CALCR: variants seen among roughly 807,000 people sequenced by gnomAD.
The protein encoded by CALCR is calcitonin receptor.
In CALCR, 47 loss-of-function variants were observed where a neutral mutation model predicts 59.5. That is an observed-to-expected ratio of 0.79 (90% CI 0.63 to 1.01). The LOEUF (loss-of-function observed/expected upper bound fraction) is 1.01, where lower values mean the gene tolerates loss of function less well. CALCR is among the 50% of genes least tolerant of loss of function. The pLI is 0.00. For missense variants in CALCR, 566 were observed against 597.1 expected (o/e 0.95, Z 0.54); for synonymous variants, 213 against 211.3 (o/e 1.01, Z -0.07).
At position 93,524,878 on chromosome 7, in the gene CALCR, A is replaced by G. The variant is rs536372856; in HGVS notation, c.-26-37871T>C. ...CCCTACTGGTTTCTACTACAAAACTAAAGTTTTTAGGGCAAGTCACATAAC... is the reference window on the plus strand; with the variant it reads ...CCCTACTGGTTTCTACTACAAAACTGAAGTTTTTAGGGCAAGTCACATAAC... On this transcript the variant is annotated intron_variant, in intron 2 of 13. Transcript: ENST00000426151. Among the ~76,000 whole-genome samples the G allele has an allele frequency of 2.0e-5, 3 of 152,316 alleles. No individual in the cohort carries two copies. The East Asian group carries it at 5.8e-4, about 29-fold the overall frequency.
chr7:93,429,250 A>G (rs1420411052), intron 13 of CALCR, among the ~76,000 whole-genome samples: 2 of 152,200 alleles, frequency 1.3e-5, no homozygotes, highest in African/African-American at 4.8e-5. Flanking sequence ...ATCTCCTACA[A>G]TATCACAGGT....
chr7:93,470,740 A>T (rs1473601123), intron 6 of CALCR, among the ~76,000 whole-genome samples: 1 of 148,746 alleles, frequency 6.7e-6, no homozygotes, highest in Non-Finnish European at 1.5e-5. Flanking sequence ...TTATTTTTTT[A>T]TTTTTATTTT....
intron 7 of CALCR, among the ~76,000 whole-genome samples, chr7:93,467,554 A>G (rs1800464938): frequency 6.6e-6 from 1 of 151,726 alleles, no homozygotes; most frequent in African/African-American, 2.4e-5. Flanking sequence ...TTAAGATTCT[A>G]CTATGTTTTA....
chr7:93,527,672 T>G (rs1264150603), intron 2 of CALCR, among the ~76,000 whole-genome samples: 1 of 152,146 alleles, frequency 6.6e-6, no homozygotes, highest in African/African-American at 2.4e-5. Context: ...CACTTCAAAA[T>G]GCTGTCTAGG....
At chr7:93,568,281 A>G (rs555551999) in intron 2 of CALCR, among the ~76,000 whole-genome samples, 198 of 152,330 alleles carry the variant, frequency 1.3e-3, no homozygotes, top group African/African-American at 4.6e-3. Flanking sequence ...CCTTTCAAAA[A>G]GGGAAAATAA....
chr7:93,452,115 C>T (rs1426629374), intron 8 of CALCR, among the ~76,000 whole-genome samples: 3 of 151,964 alleles, frequency 2.0e-5, no homozygotes, highest in African/African-American at 7.2e-5. Flanking sequence ...CAAACCTCAA[C>T]TCCACGCAAG....
chr7:93,515,357 T>C lies in CALCR; in HGVS notation c.-26-28350A>G, dbSNP rs187002352. ...CATCATCAGTTGCTATCTCCCTGAC[T>C]CATTGTGTTTGTGGCAAAGGAGGTA... On this transcript the variant is annotated intron_variant, in intron 2 of 13. Transcript: ENST00000426151. Among the ~76,000 whole-genome samples the C allele has an allele frequency of 6.1e-3, 922 of 152,114 alleles. 8 individuals carry two copies. The highest frequency in any genetic ancestry group is 9.1e-3 in the Non-Finnish European group (615 of 67,918).
chr7:93,527,011 A>G (rs1788673595), intron 2 of CALCR, among the ~76,000 whole-genome samples: 1 of 151,840 alleles, frequency 6.6e-6, no homozygotes, highest in Non-Finnish European at 1.5e-5. Flanking sequence ...GGAAAAGTCT[A>G]TTTTTTTCTT....
chr7:93,545,631 A>T (rs1454042265), intron 2 of CALCR, among the ~76,000 whole-genome samples: 2 of 152,164 alleles, frequency 1.3e-5, no homozygotes, highest in Non-Finnish European at 2.9e-5. Context: ...AAGTATAGAG[A>T]TTACTTCATG....
intron 2 of CALCR, chr7:93,559,591 T>C (rs1789693276): frequency 6.6e-6 from 1 of 151,928 alleles, no homozygotes; most frequent in South Asian, 2.1e-4. Flanking sequence ...GGTCAGTTGC[T>C]GGCAAGATAC....
At chr7:93,448,473 T>G (rs536472771) in intron 8 of CALCR, among the ~76,000 whole-genome samples, 1 of 152,106 alleles carries the variant, frequency 6.6e-6, no homozygotes, top group Admixed American at 6.6e-5. Flanking sequence ...ATGCAGTAAC[T>G]GTGCTTGCAT....
chr7:93,540,597 C>T (rs1411306501), intron 2 of CALCR, among the ~76,000 whole-genome samples: 1 of 151,530 alleles, frequency 6.6e-6, no homozygotes, highest in East Asian at 1.9e-4. Flanking sequence ...TTTTCTTATT[C>T]CTTTTAAATA....
chr7:93,433,863 A>T (rs1203278174), intron 13 of CALCR, among the ~76,000 whole-genome samples: 2 of 152,240 alleles, frequency 1.3e-5, no homozygotes. Flanking sequence ...GCACCAAGCA[A>T]CTGGAAAAGA....
chr7:93,479,160 T>C (rs1238149554), intron 4 of CALCR, among the ~76,000 whole-genome samples, 194 bp downstream of exon 4: 1 of 151,876 alleles, frequency 6.6e-6, no homozygotes, highest in Non-Finnish European at 1.5e-5. Context: ...GTTAGCCAAA[T>C]TGCAGTCAGA....
intron 2 of CALCR, among the ~76,000 whole-genome samples, chr7:93,492,523 G>C (rs1209677005): frequency 1.3e-5 from 2 of 151,222 alleles, no homozygotes; most frequent in Non-Finnish European, 3.0e-5. Flanking sequence ...TTTATATGTT[G>C]ATCATTATTC....
Position 93,540,479 on chromosome 7 carries a change from T to C in CALCR, c.-27+33810A>G, listed in dbSNP as rs558586308. Among the ~76,000 whole-genome samples, 6 of 152,264 alleles carry C rather than the reference T, an allele frequency of 3.9e-5. No homozygotes were observed. In the South Asian group the frequency reaches 1.2e-3, roughly 32 times the overall value. ...TACAATTTCCAACTATTTTGATCTT[T>C]ATGTAACTCCCTGTGTTTCTTTATT... On this transcript the variant is annotated intron_variant, in intron 2 of 13. Transcript: ENST00000426151.
intron 2 of CALCR, among the ~76,000 whole-genome samples, chr7:93,497,677 A>C (rs547598663): frequency 6.6e-6 from 1 of 151,694 alleles, no homozygotes; most frequent in East Asian, 1.9e-4. Context: ...CTTGTTCAAT[A>C]CATGTTTTTT....
chr7:93,503,930 G>A (rs1245237280), intron 2 of CALCR, among the ~76,000 whole-genome samples: 1 of 152,104 alleles, frequency 6.6e-6, no homozygotes, highest in Non-Finnish European at 1.5e-5. Context: ...TCAACAGCAA[G>A]TTGCAATAAA....
At chr7:93,475,762 C>T (rs890256235) in intron 5 of CALCR, among the ~76,000 whole-genome samples, 4 of 151,790 alleles carry the variant, frequency 2.6e-5, no homozygotes, top group Admixed American at 2.6e-4. Flanking sequence ...ATTTGTCCTA[C>T]TTCACCTGAT....
Sources: gnomAD v4.1 joint callset for allele counts (sites outside exome capture counted in the v4.1 genomes callset) on GRCh38, gnomAD v4.1.1 for gene constraint, MANE v1.5 for transcripts, NCBI Gene and HGNC (gene_info 2026-07-23, HGNC 2026-07-21) for gene names.